The following PLXDC2 variants were observed in gnomAD, a reference collection of about 807,000 sequenced individuals.
PLXDC2 encodes the protein plexin domain containing 2, also known as plexin domain-containing protein 2.
Under a neutral mutation model 68.9 loss-of-function variants are expected in PLXDC2, and 40 were observed. The ratio of observed to expected loss-of-function variants is 0.58; its 90% CI spans 0.45 to 0.76. The LOEUF is 0.76. Among genes scored for constraint, PLXDC2 ranks in the 30% least tolerant of loss-of-function variants. PLXDC2 has a pLI of 0.00. For missense variants in PLXDC2, 644 were observed against 661.9 expected (o/e 0.97, Z 0.30); for synonymous variants, 243 against 234.2 (o/e 1.04, Z -0.34).
At chr10:20,040,281 G>T (rs1589600262) in intron 2 of PLXDC2, among the ~76,000 whole-genome samples, 1 of 152,198 alleles carries the variant, frequency 6.6e-6, no homozygotes, top group East Asian at 1.9e-4. Context: ...AAACTAGACT[G>T]CCACGTCTGG....
At chr10:19,845,447 G>A (rs528132268) in intron 1 of PLXDC2, among the ~76,000 whole-genome samples, 63 of 152,258 alleles carry the variant, frequency 4.1e-4, no homozygotes, top group African/African-American at 1.5e-3. Flanking sequence ...GTTAATGATA[G>A]AGCAAGGCCC....
intron 1 of PLXDC2, among the ~76,000 whole-genome samples, chr10:19,908,559 G>T (rs971302539): frequency 6.6e-6 from 1 of 152,058 alleles, no homozygotes; most frequent in African/African-American, 2.4e-5. Flanking sequence ...CCCAGGAGAT[G>T]TTAACACTCC....
chr10:20,113,150 C>T (rs574739562), intron 4 of PLXDC2, among the ~76,000 whole-genome samples: 2 of 152,276 alleles, frequency 1.3e-5, no homozygotes, highest in South Asian at 2.1e-4. Flanking sequence ...CAAAGTGCAA[C>T]GGCTTAATGC....
At chr10:20,084,036 A>C (rs1409696331) in intron 4 of PLXDC2, among the ~76,000 whole-genome samples, 3 of 152,338 alleles carry the variant, frequency 2.0e-5, no homozygotes, top group African/African-American at 7.2e-5. Flanking sequence ...CAAACTAAAA[A>C]CAGATTCCCC....
chr10:20,130,587 C>G (rs1168173686), intron 4 of PLXDC2, among the ~76,000 whole-genome samples: 1 of 151,926 alleles, frequency 6.6e-6, no homozygotes. Flanking sequence ...TCCCGAGAAG[C>G]TTTTAGCTTT....
chr10:20,174,987 G>C (rs1015867474), intron 7 of PLXDC2, among the ~76,000 whole-genome samples: 1 of 152,036 alleles, frequency 6.6e-6, no homozygotes, highest in African/African-American at 2.4e-5. Context: ...TGGGTGTAAT[G>C]ATTTCAATAT....
intron 4 of PLXDC2, among the ~76,000 whole-genome samples, chr10:20,124,090 C>A (rs979238474): frequency 3.9e-5 from 6 of 152,000 alleles, no homozygotes; most frequent in African/African-American, 1.5e-4. Context: ...GCGGAACTTG[C>A]CGCTAAGGAT....
chr10:20,041,901 A>G (rs1350949834), intron 2 of PLXDC2, among the ~76,000 whole-genome samples: 1 of 152,180 alleles, frequency 6.6e-6, no homozygotes, highest in Non-Finnish European at 1.5e-5. Flanking sequence ...TCTTCTTACA[A>G]GGACACTAAT....
intron 13 of PLXDC2, 89 bp from the exon 14 acceptor site, chr10:20,279,614 T>C (rs1207469027): frequency 1.0e-6 from 1 of 986,884 alleles, no homozygotes; most frequent in Non-Finnish European, 1.6e-6. Context: ...TAATTCAACA[T>C]TTAATCTAAA....
intron 1 of PLXDC2, among the ~76,000 whole-genome samples, chr10:19,820,642 A>G (rs1173262387): frequency 2.7e-5 from 4 of 148,294 alleles, no homozygotes; most frequent in Non-Finnish European, 4.5e-5. Flanking sequence ...CTCCGTCTCA[A>G]AAAAAAAAAA....
intron 4 of PLXDC2, among the ~76,000 whole-genome samples, chr10:20,082,080 G>GAAAAAC (rs1836577217): frequency 9.3e-6 from 1 of 107,520 alleles, no homozygotes; most frequent in Non-Finnish European, 2.0e-5. Flanking sequence ...AAAAAAACAG[G>GAAAAAC]AGAAGTCTGA....
chr10:20,271,728 G>A (rs534729014), intron 13 of PLXDC2, among the ~76,000 whole-genome samples: 1 of 152,280 alleles, frequency 6.6e-6, no homozygotes, highest in South Asian at 2.1e-4. Context: ...AGGAAGTTAA[G>A]TGAAGCCTGG....
At chr10:19,928,302 C>T (rs1362775717) in intron 1 of PLXDC2, among the ~76,000 whole-genome samples, 1 of 152,112 alleles carries the variant, frequency 6.6e-6, no homozygotes, top group African/African-American at 2.4e-5. Flanking sequence ...TCCAATGCCA[C>T]CAAATCTTAA....
chr10:19,842,980 C>T (rs1392135423), intron 1 of PLXDC2, among the ~76,000 whole-genome samples: 1 of 152,148 alleles, frequency 6.6e-6, no homozygotes, highest in Non-Finnish European at 1.5e-5. Context: ...ATGTTTTCCC[C>T]ACATAGCTTC....
chr10:20,034,736 A>G (rs1398241167), intron 2 of PLXDC2, among the ~76,000 whole-genome samples: 1 of 152,240 alleles, frequency 6.6e-6, no homozygotes, highest in African/African-American at 2.4e-5. Flanking sequence ...CAGATTACAT[A>G]TATGACAGTG....
intron 3 of PLXDC2, among the ~76,000 whole-genome samples, chr10:20,057,112 A>G (rs1336541909): frequency 6.6e-6 from 1 of 152,156 alleles, no homozygotes; most frequent in East Asian, 1.9e-4. Flanking sequence ...AAGACTTACG[A>G]TGGTTTAATT....
intron 1 of PLXDC2, among the ~76,000 whole-genome samples, chr10:19,947,699 C>CT (rs1258421726): frequency 1.7e-5 from 2 of 119,308 alleles, no homozygotes; most frequent in Non-Finnish European, 3.5e-5. Context: ...TTTTTCTTTT[C>CT]TTTCTTTCTT....
intron 4 of PLXDC2, among the ~76,000 whole-genome samples, chr10:20,095,210 C>T (rs75435190): frequency 0.011 from 1,610 of 151,992 alleles, 35 homozygotes; most frequent in African/African-American, 0.037. Flanking sequence ...GAAATCAGTG[C>T]GTATTTTATG....
At chr10:20,122,364 C>T (rs1004562273) in intron 4 of PLXDC2, among the ~76,000 whole-genome samples, 3 of 152,118 alleles carry the variant, frequency 2.0e-5, no homozygotes, top group Non-Finnish European at 4.4e-5. Flanking sequence ...GTGTGAGTTA[C>T]CTGAAGCTCA....
Sources: allele counts gnomAD v4.1 joint callset (sites outside exome capture counted in the v4.1 genomes callset), GRCh38; gene constraint gnomAD v4.1.1; transcripts MANE v1.5; gene names NCBI Gene and HGNC (gene_info 2026-07-23, HGNC 2026-07-21).